The following TEX35 variants were observed in gnomAD, a reference collection of about 807,000 sequenced individuals.
TEX35 encodes testis expressed 35, also known as testis-expressed protein 35.
Under a neutral mutation model 31.9 loss-of-function variants are expected in TEX35, and 26 were observed. That is an observed-to-expected ratio of 0.81 (90% confidence interval 0.60 to 1.13). The LOEUF (loss-of-function observed/expected upper bound fraction) is 1.13, where lower values mean the gene tolerates loss of function less well. Among genes scored for constraint, TEX35 ranks in the 50% most tolerant of loss-of-function variants. The pLI, the probability that TEX35 is intolerant of heterozygous loss-of-function variation, is 0.00. For missense variants in TEX35, 278 were observed against 273.5 expected, an observed-to-expected ratio of 1.02 and a Z score of -0.12; for synonymous variants, 87 against 90.7, an observed-to-expected ratio of 0.96 and a Z score of 0.23.
At chr1:178,520,344 G>A in intron 5 of TEX35, 28 bp from the exon 6 acceptor site, 1 of 1,605,476 alleles carries the variant, frequency 6.2e-7, no homozygotes, top group Non-Finnish European at 8.5e-7. Context: ...TCAAAATGAA[G>A]ATGCTAGTTC....
chr1:178,521,979 C>A, intron 8 of TEX35: 2 of 855,358 alleles, frequency 2.3e-6, no homozygotes, highest in Non-Finnish European at 3.5e-6. Context: ...ACCACCACCT[C>A]CCTCCATTCC....
chr1:178,515,273 A>G (rs1053723546), intron 3 of TEX35, among the ~76,000 whole-genome samples: 1 of 151,916 alleles, frequency 6.6e-6, no homozygotes, highest in African/African-American at 2.4e-5. Flanking sequence ...ATGCCCAGCT[A>G]ATTTTTGTAT....
intron 5 of TEX35, among the ~76,000 whole-genome samples, chr1:178,520,015 T>C (rs1410735332): frequency 6.6e-6 from 1 of 152,200 alleles, no homozygotes; most frequent in East Asian, 1.9e-4. Flanking sequence ...AGTCAAATTG[T>C]CTTTGGGGTC....
chr1:178,521,797 T>C (rs1650295610), intron 8 of TEX35: 5 of 1,547,946 alleles, frequency 3.2e-6, no homozygotes, highest in Non-Finnish European at 4.4e-6. Flanking sequence ...ATTAAAAACC[T>C]TCATTCAAAG....
intron 4 of TEX35, 48 bp downstream of exon 4, chr1:178,515,963 G>T (rs2101894639): frequency 1.4e-6 from 2 of 1,449,720 alleles, no homozygotes; most frequent in East Asian, 4.5e-5. Flanking sequence ...TGTAGCTTCA[G>T]GAAAAATGCA....
chr1:178,523,475 C>A, downstream of TEX35: 1 of 481,274 alleles, frequency 2.1e-6, no homozygotes. Flanking sequence ...AATTAATGAG[C>A]AATGTATTTG....
Position 178,520,730 on chromosome 1 carries a change from C to A in TEX35, c.399C>A (p.His133Gln). Residue 133 changes from histidine (H) to glutamine (Q), a missense_variant, in exon 7 of 9, where the codon CAC (histidine) becomes CAA (glutamine). Transcript: ENST00000319416. ...QQELRLMGKT[H>Q]REPQLRPKKM... ...AACTCAGGCTGATGGGAAAGACTCA[C>A]AGAGAACCACAGCTCAGGCCCAAGA... 1 of 1,614,124 alleles carries A rather than the reference C, an allele frequency of 6.2e-7. No homozygotes were observed. Among genetic ancestry groups the A allele is most frequent in the East Asian group, 2.2e-5 (1 of 44,866 alleles).
downstream of TEX35, chr1:178,523,448 A>G (rs913132778): frequency 4.2e-6 from 2 of 480,802 alleles, no homozygotes; most frequent in African/African-American, 4.0e-5. Context: ...CTCCGGGTCA[A>G]GTTCTTAATG....
At chr1:178,515,146 C>T (rs961615887) in intron 3 of TEX35, among the ~76,000 whole-genome samples, 1 of 152,152 alleles carries the variant, frequency 6.6e-6, no homozygotes, top group Non-Finnish European at 1.5e-5. Flanking sequence ...CTCCCTCTGT[C>T]GCCCAGGCTG....
intron 8 of TEX35, chr1:178,521,789 T>G: frequency 1.3e-6 from 2 of 1,548,990 alleles, no homozygotes; most frequent in Non-Finnish European, 1.7e-6. Context: ...CACTGGAGAT[T>G]AAAAACCTTC....
Position 178,513,147 on chromosome 1 carries a change from G to A in TEX35, c.-42G>A. On this transcript the variant is annotated 5_prime_UTR_variant, in exon 1 of 9. Transcript: ENST00000319416. ...CCTAGGACAGTGGCCTGGTCCCAGG[G>A]GCTGTTGTGGGGAGTTGAAGAACAC... The A allele has an allele frequency of 1.2e-6, 2 of 1,610,158 alleles. No individual in the cohort carries two copies. The highest frequency in any genetic ancestry group is 1.7e-6 in the Non-Finnish European group (2 of 1,176,734).
chr1:178,521,896 G>C (rs1023751643), intron 8 of TEX35: 2 of 1,389,732 alleles, frequency 1.4e-6, no homozygotes, highest in African/African-American at 2.9e-5. Context: ...GTGTATTTCA[G>C]ACTCCAACCC....
intron 8 of TEX35, chr1:178,521,781 C>A: frequency 6.5e-7 from 1 of 1,550,208 alleles, no homozygotes; most frequent in Non-Finnish European, 8.7e-7. Flanking sequence ...CAGGCCTCCA[C>A]TGGAGATTAA....
At chr1:178,515,550 G>T (rs1430317493) in intron 3 of TEX35, among the ~76,000 whole-genome samples, 1 of 151,940 alleles carries the variant, frequency 6.6e-6, no homozygotes, top group Non-Finnish European at 1.5e-5. Context: ...CTATCTTATA[G>T]TCTTTTTAAA....
At chr1:178,518,772 CCAAA>C (rs920267465) in intron 5 of TEX35, among the ~76,000 whole-genome samples, 3 of 152,104 alleles carry the variant, frequency 2.0e-5, no homozygotes, top group Non-Finnish European at 4.4e-5. Context: ...CTGTTAAAAT[CCAAA>C]CAAAGTTAAG....
At chr1:178,523,122 C>T (rs767557103), downstream of TEX35, among the ~76,000 whole-genome samples, 8 of 152,150 alleles carry the variant, frequency 5.3e-5, no homozygotes, top group South Asian at 4.1e-4. Flanking sequence ...TTGTTGCAAA[C>T]GACAGGAGTT....
At chr1:178,514,214 C>A in intron 2 of TEX35, 137 bp downstream of exon 2, 1 of 1,568,202 alleles carries the variant, frequency 6.4e-7, no homozygotes, top group Non-Finnish European at 8.7e-7. Flanking sequence ...AGAGTTCTTG[C>A]TCTCATAGAA....
intron 4 of TEX35, 161 bp from the exon 5 acceptor site, chr1:178,516,454 C>G (rs1350388473): frequency 1.6e-6 from 1 of 615,608 alleles, no homozygotes; most frequent in African/African-American, 1.8e-5. Context: ...ACCCTAGTCC[C>G]TTCACAGACT....
At chr1:178,517,121 C>T (rs890977208) in intron 5 of TEX35, among the ~76,000 whole-genome samples, 1 of 152,192 alleles carries the variant, frequency 6.6e-6, no homozygotes, top group Non-Finnish European at 1.5e-5. Flanking sequence ...GTAGTTTAGA[C>T]AAGTTCCCAG....
Sources: allele counts gnomAD v4.1 joint callset (sites outside exome capture counted in the v4.1 genomes callset), GRCh38; gene constraint gnomAD v4.1.1; transcripts MANE v1.5; gene names NCBI Gene and HGNC (gene_info 2026-07-23, HGNC 2026-07-21).